Variants in KCNH7 observed in about 807,000 individuals in gnomAD.
KCNH7 encodes potassium voltage-gated channel subfamily H member 7, also known as voltage-gated inwardly rectifying potassium channel KCNH7.
In KCNH7, 49 loss-of-function variants were observed where a neutral mutation model predicts 120.8. That is an observed-to-expected ratio of 0.41 (90% CI 0.32 to 0.51). KCNH7 has a LOEUF of 0.51. Among genes scored for constraint, KCNH7 ranks in the 20% least tolerant of loss-of-function variants. KCNH7 has a pLI of 0.38. For missense variants in KCNH7, 1,097 were observed against 1,446.6 expected (o/e 0.76, Z 3.92); for synonymous variants, 547 against 516.1 (o/e 1.06, Z -0.81).
intron 2 of KCNH7, among the ~76,000 whole-genome samples, chr2:162,547,255 T>A (rs968827524): frequency 2.6e-5 from 4 of 152,144 alleles, no homozygotes; most frequent in African/African-American, 9.7e-5. Flanking sequence ...CCACCAGGTC[T>A]CTCTCTGGGA....
At chr2:162,545,387 C>T (rs1240027712) in intron 2 of KCNH7, among the ~76,000 whole-genome samples, 1 of 152,120 alleles carries the variant, frequency 6.6e-6, no homozygotes, top group Non-Finnish European at 1.5e-5. Context: ...TGAGTTGTGT[C>T]CTGCTCCCTC....
intron 2 of KCNH7, among the ~76,000 whole-genome samples, chr2:162,753,881 T>G (rs1688697614): frequency 2.0e-5 from 3 of 152,052 alleles, no homozygotes; most frequent in Non-Finnish European, 4.4e-5. Context: ...AAAGGACCTA[T>G]TTGCAGATTA....
chr2:162,699,712 T>C (rs1686421809), intron 2 of KCNH7, among the ~76,000 whole-genome samples: 1 of 152,164 alleles, frequency 6.6e-6, no homozygotes, highest in South Asian at 2.1e-4. Context: ...AAATGGATCA[T>C]CAATAATCAC....
At position 162,394,762 on chromosome 2, in the gene KCNH7, A is replaced by G. The variant is rs143235581; in HGVS notation, c.2614-277T>C. ...TTAGGGATGATGTCAACATTTAAAG[A>G]TAAAATATTTCTTTATGTGGAATGT... On this transcript the variant is annotated intron_variant, in intron 11 of 15. Transcript: ENST00000332142. 2.6e-4 allele frequency among the ~76,000 whole-genome samples: 40 copies of G among 152,046 alleles called. No individual in the cohort carries two copies. In the East Asian group the frequency reaches 7.6e-3, roughly 29 times the overall value.
At chr2:162,598,211 A>G (rs1194567035) in intron 2 of KCNH7, among the ~76,000 whole-genome samples, 1 of 152,128 alleles carries the variant, frequency 6.6e-6, no homozygotes, top group Non-Finnish European at 1.5e-5. Flanking sequence ...GAGACTTTGA[A>G]TAATTGATTT....
At chr2:162,409,224 T>G (rs987729539) in intron 9 of KCNH7, among the ~76,000 whole-genome samples, 3 of 151,702 alleles carry the variant, frequency 2.0e-5, no homozygotes, top group African/African-American at 7.2e-5. Flanking sequence ...AGAAAAAATA[T>G]GCAAGTTCAG....
At chr2:162,591,124 C>T (rs543538858) in intron 2 of KCNH7, among the ~76,000 whole-genome samples, 1 of 152,112 alleles carries the variant, frequency 6.6e-6, no homozygotes, top group African/African-American at 2.4e-5. Context: ...CTCAGCTAAA[C>T]CCTCTTCCCA....
chr2:162,728,974 A>T (rs1217783655), intron 2 of KCNH7, among the ~76,000 whole-genome samples: 6 of 152,086 alleles, frequency 3.9e-5, no homozygotes, highest in African/African-American at 1.4e-4. Flanking sequence ...AGTGTACATG[A>T]TGTGAAGTAA....
intron 2 of KCNH7, among the ~76,000 whole-genome samples, chr2:162,743,508 T>C (rs1688209985): frequency 6.6e-6 from 1 of 152,122 alleles, no homozygotes; most frequent in Non-Finnish European, 1.5e-5. Context: ...GAGCACAAAC[T>C]TACTAACAGA....
chr2:162,701,760 G>C lies in KCNH7; in HGVS notation c.307+134777C>G, dbSNP rs559392007. ...ACAGTGGCTCACGCCTGTCATCCCAGCACTTCGGGAGGCCAAGGTGGGCTG... is the reference window on the plus strand; with the variant it reads ...ACAGTGGCTCACGCCTGTCATCCCACCACTTCGGGAGGCCAAGGTGGGCTG... On this transcript the variant is annotated intron_variant, in intron 2 of 15. Transcript: ENST00000332142. 3.3e-5 allele frequency among the ~76,000 whole-genome samples: 5 copies of C among 152,290 alleles called. No homozygotes were observed. In the East Asian group the frequency reaches 9.7e-4, roughly 29 times the overall value.
Position 162,517,843 on chromosome 2 carries a change from T to A in KCNH7, c.779A>T (p.His260Leu). The A allele has an allele frequency of 6.2e-7, 1 of 1,612,410 alleles. No individual in the cohort carries two copies. The highest frequency in any genetic ancestry group is 1.7e-5 in the Admixed American group (1 of 59,924). ...DMLQSSSQLS[H>L]SRSRESLCSI... is the part of the protein sequence containing the mutation. ...ACATAAGCTTTCCCTTGATCTGGAA[T>A]GGGACAGCTGGGAACTTGACTGCAG... Residue 260 changes from histidine (H) to leucine (L), a missense_variant, in exon 4 of 16, where the codon CAT becomes CTT. His to Leu is a moderately conservative substitution (Grantham distance 99). Coordinates refer to ENST00000332142, the MANE Select transcript of KCNH7 (RefSeq NM_033272.4).
chr2:162,573,807 T>C (rs562741471), intron 2 of KCNH7, among the ~76,000 whole-genome samples: 42 of 152,156 alleles, frequency 2.8e-4, no homozygotes, highest in Non-Finnish European at 5.0e-4. Flanking sequence ...TACATTCAAC[T>C]GGCAGGGAGC....
intron 4 of KCNH7, among the ~76,000 whole-genome samples, chr2:162,514,241 T>C (rs975993004): frequency 7.9e-5 from 12 of 151,844 alleles, no homozygotes; most frequent in Admixed American, 2.0e-4. Context: ...TGGCCTTAGA[T>C]GACAACTCCC....
chr2:162,570,891 T>C (rs193026870), intron 2 of KCNH7, among the ~76,000 whole-genome samples: 1 of 152,258 alleles, frequency 6.6e-6, no homozygotes, highest in Admixed American at 6.5e-5. Context: ...TGATGGGCCG[T>C]ATTTCAAAAT....
chr2:162,461,412 T>C (rs1186979748), intron 6 of KCNH7, among the ~76,000 whole-genome samples: 1 of 152,218 alleles, frequency 6.6e-6, no homozygotes. Flanking sequence ...GTTCCACATA[T>C]AGTCCCTATC....
In KCNH7 at chr2:162,608,020, T is replaced by A. The variant is rs531916709; in HGVS notation, c.308-70940A>T. 2.3e-4 allele frequency among the ~76,000 whole-genome samples: 35 copies of A among 152,290 alleles called. 1 individual carries two copies. The South Asian group carries it at 7.3e-3, about 32-fold the overall frequency. On this transcript the variant is annotated intron_variant, in intron 2 of 15. Coordinates refer to ENST00000332142, the MANE Select transcript of KCNH7 (RefSeq NM_033272.4). The stretch of plus-strand genomic sequence containing the variant: ...TAGATGTTTCTAGACCTAATAAACG[T>A]TCCAAATTTATATTTCCTAGACAGT...
chr2:162,681,374 A>G (rs1685704545), intron 2 of KCNH7, among the ~76,000 whole-genome samples: 1 of 151,732 alleles, frequency 6.6e-6, no homozygotes, highest in African/African-American at 2.4e-5. Context: ...CACAAGGGAA[A>G]TGTCAGGGCT....
intron 14 of KCNH7, among the ~76,000 whole-genome samples, chr2:162,373,937 A>G (rs1283158313): frequency 6.6e-6 from 1 of 152,180 alleles, no homozygotes; most frequent in Non-Finnish European, 1.5e-5. Context: ...ACCTTCATTG[A>G]TTTCAAAATG....
chr2:162,715,892 T>C (rs372473710), intron 2 of KCNH7, among the ~76,000 whole-genome samples: 2 of 151,992 alleles, frequency 1.3e-5, no homozygotes, highest in Non-Finnish European at 2.9e-5. Flanking sequence ...ATAGATTAAT[T>C]TGGGTTGTTC....
Sources: allele counts gnomAD v4.1 joint callset (sites outside exome capture counted in the v4.1 genomes callset), GRCh38; gene constraint gnomAD v4.1.1; transcripts MANE v1.5; gene names NCBI Gene and HGNC (gene_info 2026-07-23, HGNC 2026-07-21).